SPG11: variants seen among roughly 807,000 people sequenced by gnomAD.
SPG11 encodes spatacsin.
SPG11 carries 222 observed loss-of-function variants against 274.0 expected under a neutral mutation model. The ratio of observed to expected loss-of-function variants is 0.81; its 90% CI spans 0.73 to 0.91. SPG11 has a LOEUF of 0.91. Among genes scored for constraint, SPG11 ranks in the 40% least tolerant of loss-of-function variants. The probability of loss-of-function intolerance (pLI) is 0.00; values close to 1 mark genes in which losing one functional copy is unlikely to be tolerated. For synonymous variants in SPG11, 1,144 were observed against 1,039.7 expected, an observed-to-expected ratio of 1.10 and a Z score of -1.93; for missense variants, 3,114 against 2,872.7, an observed-to-expected ratio of 1.08 and a Z score of -1.92.
chr15:44,600,463 TCA>T lies in SPG11; in HGVS notation c.3686+2_3686+3del, dbSNP rs1268481547. ...CCAGACAAAATTATATTTTAAATAC[TCA>T]CAGCTGCTTGGGAGTCTTGCTCTTG... On this transcript the variant is annotated splice_donor_variant and splice_donor_region_variant and intron_variant, in intron 21 of 39. Transcript: ENST00000261866. LOFTEE classifies it high-confidence loss of function. 27 of 1,613,790 alleles carry T rather than the reference TCA, an allele frequency of 1.7e-5. No homozygotes were observed. Among genetic ancestry groups the T allele is most frequent in the Non-Finnish European group, 2.2e-5 (26 of 1,179,902 alleles).
At chr15:44,595,828 G>A (rs767635402) in intron 25 of SPG11, among the ~76,000 whole-genome samples, 3 of 152,208 alleles carry the variant, frequency 2.0e-5, no homozygotes, top group Non-Finnish European at 4.4e-5. Flanking sequence ...CCACCAAAGC[G>A]TCTTTCTCTG....
At chr15:44,596,692 G>C (rs1595861091) in intron 24 of SPG11, 92 bp downstream of exon 24, 1 of 462,250 alleles carries the variant, frequency 2.2e-6, no homozygotes, top group Non-Finnish European at 4.0e-6. Context: ...AAAAAAAAAG[G>C]CCTATGTCAT....
chr15:44,603,053 A>AC, intron 20 of SPG11, among the ~76,000 whole-genome samples: 1 of 131,268 alleles, frequency 7.6e-6, no homozygotes, highest in South Asian at 2.4e-4. Flanking sequence ...CCAACAGGCA[A>AC]TTTTTTTTTT....
chr15:44,622,626 G>C lies in SPG11; in HGVS notation c.2316+102C>G, dbSNP rs950320533. On this transcript the variant is annotated intron_variant, in intron 12 of 39. Coordinates refer to ENST00000261866, the MANE Select transcript of SPG11 (RefSeq NM_025137.4). ...CACTTTTACTTATTAGATATTAGTT[G>C]AACATTAAAATTACTTAAGGTTTTT... is the stretch of plus-strand genomic sequence containing the variant. The C allele has an allele frequency of 1.4e-5, 14 of 996,972 alleles. No homozygotes were observed. In the African/African-American group the frequency reaches 2.1e-4, roughly 15 times the overall value. 61.8% of individuals were successfully genotyped at this position (996,972 alleles called of 1,614,324 possible). A position where few individuals can be genotyped will look rare whatever the true frequency, so the allele number is the denominator to read the frequency against.
At chr15:44,588,438 G>A (rs1317276437) in intron 28 of SPG11, 2 of 154,140 alleles carry the variant, frequency 1.3e-5, no homozygotes, top group Non-Finnish European at 2.9e-5. Context: ...GGGTGTGGGA[G>A]TTAAGTCAGG....
intron 20 of SPG11, among the ~76,000 whole-genome samples, chr15:44,604,712 A>T (rs1595871146): frequency 6.6e-6 from 1 of 152,014 alleles, no homozygotes; most frequent in South Asian, 2.1e-4. Flanking sequence ...GTGGATCACG[A>T]GGTCAGGAGA....
chr15:44,663,302 G>C (rs1387110924), intron 1 of SPG11, 89 bp downstream of exon 1: 2 of 1,520,778 alleles, frequency 1.3e-6, no homozygotes, highest in African/African-American at 2.8e-5. Context: ...TATGGCTGCA[G>C]GGAGGCCTCG....
intron 17 of SPG11, 53 bp downstream of exon 17, chr15:44,613,377 G>A (rs1477631570): frequency 6.0e-6 from 7 of 1,158,110 alleles, no homozygotes; most frequent in Non-Finnish European, 9.1e-6. Flanking sequence ...CCATTCAACA[G>A]ACCAGTGACT....
At position 44,630,660 on chromosome 15, in the gene SPG11, A is replaced by G. The variant is rs1260778635; in HGVS notation, c.1736-1272T>C. Among the ~76,000 whole-genome samples the G allele has an allele frequency of 2.0e-5, 3 of 151,900 alleles. No individual in the cohort carries two copies. In the East Asian group the frequency reaches 5.8e-4, roughly 29 times the overall value. On this transcript the variant is annotated intron_variant, in intron 8 of 39. Coordinates refer to ENST00000261866, the MANE Select transcript of SPG11 (RefSeq NM_025137.4). ...AATGGAGCGATCTCGGGTCACTGCA[A>G]CCTCCGCCTCCTCCCTTCAAGCGAT... is the stretch of plus-strand genomic sequence containing the variant.
chr15:44,564,751 C>A (rs1240685389), intron 38 of SPG11, 53 bp from the exon 39 acceptor site: 3 of 1,587,952 alleles, frequency 1.9e-6, no homozygotes, highest in South Asian at 2.2e-5. Context: ...GATGTAAAAT[C>A]AAAAACAAAC....
chr15:44,597,273 C>T (rs534468100), intron 23 of SPG11: 127 of 271,888 alleles, frequency 4.7e-4, no homozygotes, highest in African/African-American at 2.7e-3. Flanking sequence ...CCACCACACC[C>T]GGCTAATTTT....
chr15:44,655,472 G>T (rs1323829561), intron 4 of SPG11, among the ~76,000 whole-genome samples: 1 of 152,202 alleles, frequency 6.6e-6, no homozygotes, highest in African/African-American at 2.4e-5. Context: ...GTATGCTGCT[G>T]CGGTTGCTTG....
At chr15:44,637,451 T>C (rs1354710414) in intron 7 of SPG11, among the ~76,000 whole-genome samples, 1 of 152,176 alleles carries the variant, frequency 6.6e-6, no homozygotes, top group Non-Finnish European at 1.5e-5. Flanking sequence ...TAGCTGGGAC[T>C]ATAGGTGTGA....
chr15:44,644,877 G>T lies in SPG11; in HGVS notation c.1602+3989C>A, dbSNP rs117296722. Among the ~76,000 whole-genome samples, 1,395 of 152,242 alleles carry T rather than the reference G, an allele frequency of 9.2e-3. 68 individuals carry two copies. Among genetic ancestry groups the T allele is most frequent in the Admixed American group, 0.072 (1,107 of 15,278 alleles). On this transcript the variant is annotated intron_variant, in intron 7 of 39. Coordinates refer to ENST00000261866, the MANE Select transcript of SPG11 (RefSeq NM_025137.4). ...TAGAAATACAGTTAGAGAGATGAAA[G>T]ATCTCTGCAATGAGAATTACAGAAC...
intron 10 of SPG11, among the ~76,000 whole-genome samples, chr15:44,627,127 G>C (rs887721759): frequency 1.3e-5 from 2 of 152,138 alleles, no homozygotes; most frequent in Non-Finnish European, 2.9e-5. Flanking sequence ...GACCGTAAAA[G>C]CAAGATGTGA....
rs1341394004 is a variant in SPG11 at position 44,660,318 on chromosome 15, ACTATATCAG to A, written c.442+105_442+113del. Reference sequence around the variant, plus strand: ...CAATAGCCCCATCTGCCTAGTGACTACTATATCAGACAGCGTAGACCTGATTTCACCTCT... The same window carrying A: ...CAATAGCCCCATCTGCCTAGTGACTAACAGCGTAGACCTGATTTCACCTCT... On this transcript the variant is annotated intron_variant, in intron 2 of 39. Coordinates refer to ENST00000261866, the MANE Select transcript of SPG11 (RefSeq NM_025137.4). The A allele has an allele frequency of 3.1e-5, 27 of 865,616 alleles. 1 individual carries two copies. The highest frequency in any genetic ancestry group is 3.8e-5 in the Non-Finnish European group (20 of 526,772). The allele number at this position is 865,616 out of a possible 1,614,324, so 53.6% of individuals were successfully genotyped here. A position where few individuals can be genotyped will look rare whatever the true frequency, so the allele number is the denominator to read the frequency against.
chr15:44,653,817 C>T (rs575043455), intron 4 of SPG11, among the ~76,000 whole-genome samples: 14 of 152,276 alleles, frequency 9.2e-5, no homozygotes, highest in Admixed American at 6.5e-5. Context: ...AAACCCTATA[C>T]ATACAGTTGA....
In SPG11 at chr15:44,647,486, C is replaced by T. The variant is rs117428107; in HGVS notation, c.1602+1380G>A. Among the ~76,000 whole-genome samples, 784 of 152,274 alleles carry T rather than the reference C, an allele frequency of 5.1e-3. 2 individuals are homozygous for T. Among genetic ancestry groups the T allele is most frequent in the Non-Finnish European group, 7.7e-3 (526 of 68,012 alleles). Reference sequence around the variant, plus strand: ...CACAAATGTCCACAGCAGGATTATTCATAATGGCTAGAAAGTGGAGACAAC... The same window carrying T: ...CACAAATGTCCACAGCAGGATTATTTATAATGGCTAGAAAGTGGAGACAAC... On this transcript the variant is annotated intron_variant, in intron 7 of 39. Coordinates refer to ENST00000261866, the MANE Select transcript of SPG11 (RefSeq NM_025137.4).
At position 44,578,019 on chromosome 15, in the gene SPG11, C is replaced by T. The variant is rs1170167229; in HGVS notation, c.5867-2978G>A. Among the ~76,000 whole-genome samples the T allele has an allele frequency of 2.8e-3, 325 of 117,584 alleles. 16 individuals are homozygous for T. The East Asian group carries it at 0.047, about 17-fold the overall frequency. 77.1% of individuals were successfully genotyped at this position (117,584 alleles called of 152,430 possible). A position where few individuals can be genotyped will look rare whatever the true frequency, so the allele number is the denominator to read the frequency against. On this transcript the variant is annotated intron_variant, in intron 30 of 39. Transcript: ENST00000261866. ...CTCTCAGAAAGGGGAGCCTTCTTTCCTTTTTTTTTTTTTTTTTTTTTTTGA... is the reference window on the plus strand; with the variant it reads ...CTCTCAGAAAGGGGAGCCTTCTTTCTTTTTTTTTTTTTTTTTTTTTTTTGA...
Sources: allele counts gnomAD v4.1 joint callset (sites outside exome capture counted in the v4.1 genomes callset), GRCh38; gene constraint gnomAD v4.1.1; transcripts MANE v1.5; gene names NCBI Gene and HGNC (gene_info 2026-07-23, HGNC 2026-07-21).